The following ITPR1 variants were observed in gnomAD, a reference collection of about 807,000 sequenced individuals.
ITPR1 encodes inositol 1,4,5-trisphosphate receptor type 1.
A neutral mutation model predicts 318.4 loss-of-function variants in ITPR1; 96 were observed. The observed-to-expected ratio is 0.30, with a 90% confidence interval of 0.26 to 0.36. The LOEUF (loss-of-function observed/expected upper bound fraction) is 0.36, where lower values mean the gene tolerates loss of function less well. Among genes scored for constraint, ITPR1 ranks in the 10% least tolerant of loss-of-function variants. The pLI is 1.00. For missense variants in ITPR1, 2,440 were observed against 3,460.2 expected, an observed-to-expected ratio of 0.71 and a Z score of 7.40; for synonymous variants, 1,312 against 1,289.9, an observed-to-expected ratio of 1.02 and a Z score of -0.37.
chr3:4,837,190 C>T (rs974240520), intron 61 of ITPR1, among the ~76,000 whole-genome samples: 3 of 151,170 alleles, frequency 2.0e-5, no homozygotes, highest in Admixed American at 1.3e-4. Flanking sequence ...AAAACAAAAC[C>T]AAAAAAAAGG....
At chr3:4,521,203 G>A in intron 4 of ITPR1, 109 bp downstream of exon 4, 1 of 696,320 alleles carries the variant, frequency 1.4e-6, no homozygotes, top group Non-Finnish European at 2.5e-6. Context: ...TATTTATTAT[G>A]TATTTTTTTC....
rs1260361660 is a variant in ITPR1 at position 4,639,376 on chromosome 3, A to T, written c.280-8A>T. 1 of 1,557,496 alleles carries T rather than the reference A, an allele frequency of 6.4e-7. No individual in the cohort carries two copies. The highest frequency in any genetic ancestry group is 1.4e-5 in the African/African-American group (1 of 73,382). ...TCTTTGTGATCAATCTTTCTTCTCA[A>T]TGCACAGCACGCTGCAGACTTGGAA... is the stretch of plus-strand genomic sequence containing the variant. On this transcript the variant is annotated splice_region_variant and splice_polypyrimidine_tract_variant and intron_variant, in intron 5 of 61. Transcript: ENST00000649015.
At chr3:4,646,686 A>G (rs1484761392) in intron 10 of ITPR1, among the ~76,000 whole-genome samples, 1 of 152,188 alleles carries the variant, frequency 6.6e-6, no homozygotes, top group Non-Finnish European at 1.5e-5. Flanking sequence ...TGTTGTAAGG[A>G]GAGTCTAGAA....
At chr3:4,608,522 C>G (rs1461259000) in intron 4 of ITPR1, among the ~76,000 whole-genome samples, 1 of 152,120 alleles carries the variant, frequency 6.6e-6, no homozygotes, top group East Asian at 1.9e-4. Flanking sequence ...AGGTTTCCTC[C>G]TATGGATCTC....
intron 39 of ITPR1, among the ~76,000 whole-genome samples, chr3:4,712,327 C>T (rs148624153): frequency 4.5e-4 from 69 of 152,316 alleles, no homozygotes; most frequent in African/African-American, 1.5e-3. Context: ...CAGGCATACA[C>T]GTCACCACTT....
At chr3:4,796,309 T>TTA (rs397796980) in intron 53 of ITPR1, among the ~76,000 whole-genome samples, 1 of 151,622 alleles carries the variant, frequency 6.6e-6, no homozygotes, top group Non-Finnish European at 1.5e-5. Flanking sequence ...ATTTTTTTTT[T>TTA]AATGTCATGT....
chr3:4,819,039 C>T (rs1025446117), intron 60 of ITPR1, among the ~76,000 whole-genome samples: 2 of 152,148 alleles, frequency 1.3e-5, no homozygotes, highest in African/African-American at 2.4e-5. Flanking sequence ...ACTCTCCTTC[C>T]AGTTACCAAG....
intron 56 of ITPR1, among the ~76,000 whole-genome samples, chr3:4,812,258 G>A (rs558314491): frequency 3.9e-5 from 6 of 152,110 alleles, no homozygotes; most frequent in East Asian, 3.9e-4. Flanking sequence ...GGCTGGTCTC[G>A]AACTCCTGGG....
intron 13 of ITPR1, among the ~76,000 whole-genome samples, chr3:4,660,379 CTT>C (rs760651098): frequency 2.0e-5 from 3 of 150,170 alleles, no homozygotes; most frequent in Non-Finnish European, 4.4e-5. Context: ...ATGGGCTACT[CTT>C]TTATTTTCCC....
chr3:4,624,775 G>C (rs2092770381), intron 4 of ITPR1, among the ~76,000 whole-genome samples: 2 of 151,764 alleles, frequency 1.3e-5, no homozygotes, highest in African/African-American at 4.8e-5. Context: ...ACACATAGAT[G>C]CTTTGGGATA....
intron 2 of ITPR1, among the ~76,000 whole-genome samples, chr3:4,504,337 A>G (rs2081252810): frequency 6.6e-6 from 1 of 152,168 alleles, no homozygotes; most frequent in Non-Finnish European, 1.5e-5. Flanking sequence ...ACGTTGTATT[A>G]TACTAGAGAA....
intron 10 of ITPR1, among the ~76,000 whole-genome samples, chr3:4,647,143 C>T (rs561841492): frequency 2.9e-4 from 44 of 152,126 alleles, no homozygotes; most frequent in African/African-American, 1.0e-3. Context: ...TGGAGTCATA[C>T]AGTATACAGT....
chr3:4,519,927 T>G (rs1255375253), intron 3 of ITPR1, among the ~76,000 whole-genome samples: 1 of 151,858 alleles, frequency 6.6e-6, no homozygotes, highest in East Asian at 1.9e-4. Flanking sequence ...CAGGAGAAGC[T>G]TGGTCGGGGG....
chr3:4,764,381 C>T (rs2045668856), intron 44 of ITPR1, among the ~76,000 whole-genome samples: 1 of 152,206 alleles, frequency 6.6e-6, no homozygotes, highest in East Asian at 1.9e-4. Flanking sequence ...GGGTTATATT[C>T]ATTCTTTTAT....
At chr3:4,660,912 A>T (rs1325440826) in intron 13 of ITPR1, 76 bp from the exon 14 acceptor site, 1 of 689,036 alleles carries the variant, frequency 1.5e-6, no homozygotes, top group Non-Finnish European at 2.4e-6. Flanking sequence ...ATTTTGATAG[A>T]TTATATTCTA....
At chr3:4,612,948 A>T (rs886690494) in intron 4 of ITPR1, among the ~76,000 whole-genome samples, 1 of 152,228 alleles carries the variant, frequency 6.6e-6, no homozygotes. Context: ...TGGATATGTG[A>T]ATCCCAAATA....
At chr3:4,613,913 G>A (rs1380786159) in intron 4 of ITPR1, among the ~76,000 whole-genome samples, 2 of 152,148 alleles carry the variant, frequency 1.3e-5, no homozygotes, top group South Asian at 2.1e-4. Flanking sequence ...GATTGAGATA[G>A]ATAACATTTC....
rs147108974 is a variant in ITPR1, at chr3:4,812,639, C to T, written c.7469-503C>T. 2.7e-3 allele frequency among the ~76,000 whole-genome samples: 406 copies of T among 152,280 alleles called. 1 individual carries two copies. Among genetic ancestry groups the T allele is most frequent in the Non-Finnish European group, 4.6e-3 (310 of 68,016 alleles). ...CCGAGTCTAAGAAACAGACTAGAAT[C>T]GTTGTGGCTGACTGAGCCAGCCAGC... On this transcript the variant is annotated intron_variant, in intron 56 of 61. Transcript: ENST00000649015.
chr3:4,613,931 CAAG>C (rs1249437494), intron 4 of ITPR1, among the ~76,000 whole-genome samples: 3 of 152,160 alleles, frequency 2.0e-5, no homozygotes, highest in Admixed American at 2.0e-4. Context: ...TTCCAGTCCC[CAAG>C]AAGGTGCTTC....
Sources: allele counts gnomAD v4.1 joint callset (sites outside exome capture counted in the v4.1 genomes callset), GRCh38; gene constraint gnomAD v4.1.1; transcripts MANE v1.5; gene names NCBI Gene and HGNC (gene_info 2026-07-23, HGNC 2026-07-21).